The following DPP10 variants were observed in gnomAD, a reference collection of about 807,000 sequenced individuals.
The protein encoded by DPP10 is inactive dipeptidyl peptidase 10.
DPP10 carries 33 observed loss-of-function variants against 120.9 expected under a neutral mutation model. That is an observed-to-expected ratio of 0.27 (90% confidence interval 0.21 to 0.37). The LOEUF (loss-of-function observed/expected upper bound fraction) is 0.37, where lower values mean the gene tolerates loss of function less well. Ranked by LOEUF, DPP10 falls within the 10% of genes least tolerant of loss-of-function variation. The pLI, the probability that DPP10 is intolerant of heterozygous loss-of-function variation, is 1.00. For missense variants in DPP10, 816 were observed against 942.8 expected, an observed-to-expected ratio of 0.87 and a Z score of 1.76; for synonymous variants, 337 against 326.1, an observed-to-expected ratio of 1.03 and a Z score of -0.36.
intron 1 of DPP10, among the ~76,000 whole-genome samples, chr2:115,116,580 A>C (rs565307979): frequency 6.6e-6 from 1 of 152,242 alleles, no homozygotes; most frequent in East Asian, 1.9e-4. Flanking sequence ...AGTAGGAAGG[A>C]CTTATTCTTT....
intron 17 of DPP10, among the ~76,000 whole-genome samples, chr2:115,788,064 C>T (rs1683538156): frequency 6.6e-6 from 1 of 152,072 alleles, no homozygotes; most frequent in Non-Finnish European, 1.5e-5. Flanking sequence ...GTTCTGTCAT[C>T]AAACTTGCTC....
At chr2:115,446,310 G>T (rs1451638725) in intron 3 of DPP10, among the ~76,000 whole-genome samples, 1 of 152,186 alleles carries the variant, frequency 6.6e-6, no homozygotes, top group Non-Finnish European at 1.5e-5. Context: ...AGGGAAATGT[G>T]GAAGGGAAAT....
At chr2:114,950,590 T>C (rs890411071) in intron 1 of DPP10, among the ~76,000 whole-genome samples, 6 of 151,994 alleles carry the variant, frequency 3.9e-5, no homozygotes, top group Admixed American at 6.6e-5. Context: ...TACAACATCT[T>C]GAATACCTTT....
chr2:114,856,261 A>G (rs1689360041), intron 1 of DPP10, among the ~76,000 whole-genome samples: 1 of 152,186 alleles, frequency 6.6e-6, no homozygotes, highest in South Asian at 2.1e-4. Context: ...AATACCAAGT[A>G]TTAGTGAAGA....
At chr2:115,699,835 C>T (rs1411213023) in intron 7 of DPP10, among the ~76,000 whole-genome samples, 1 of 152,154 alleles carries the variant, frequency 6.6e-6, no homozygotes, top group African/African-American at 2.4e-5. Context: ...ACATAGCTAA[C>T]TGGGATTCAT....
At chr2:115,161,503 AAG>A (rs1559163631) in intron 1 of DPP10, 4 of 150,678 alleles carry the variant, frequency 2.7e-5, no homozygotes, top group African/African-American at 9.7e-5. Flanking sequence ...GCGGTTGCCG[AAG>A]AGAGGCCGGA....
intron 1 of DPP10, among the ~76,000 whole-genome samples, chr2:114,529,508 T>TCACA (rs755871148): frequency 3.3e-5 from 5 of 152,144 alleles, no homozygotes; most frequent in Non-Finnish European, 7.4e-5. Flanking sequence ...TCATCTCTTG[T>TCACA]CACAGTCACT....
At chr2:115,516,807 C>T (rs1450298459) in intron 4 of DPP10, among the ~76,000 whole-genome samples, 1 of 151,830 alleles carries the variant, frequency 6.6e-6, no homozygotes, top group Non-Finnish European at 1.5e-5. Flanking sequence ...TCTTCCAAAT[C>T]AATTGAAAAT....
At chr2:115,493,348 A>G (rs114780207) in intron 3 of DPP10, among the ~76,000 whole-genome samples, 1,728 of 152,198 alleles carry the variant, frequency 0.011, 26 homozygotes, top group African/African-American at 0.039. Flanking sequence ...AGCCAAAACT[A>G]TAAAAAGTTT....
chr2:115,616,486 G>A (rs570036790), intron 5 of DPP10, among the ~76,000 whole-genome samples: 2 of 150,412 alleles, frequency 1.3e-5, no homozygotes, highest in African/African-American at 4.9e-5. Context: ...ATACATTTCA[G>A]CCTAAAAAAA....
rs1380091464 is a variant in DPP10, at chr2:114,583,836, CTT to C, written c.60+140999_60+141000del. ...AAGATGATGAGATACGGAGTAACCT[CTT>C]GATAGCATTTGGTTCCCTCCTCATT... On this transcript the variant is annotated intron_variant, in intron 1 of 25. Coordinates refer to ENST00000410059, the MANE Select transcript of DPP10 (RefSeq NM_020868.6). Among the ~76,000 whole-genome samples, 3 of 152,306 alleles carry C rather than the reference CTT, an allele frequency of 2.0e-5. No individual in the cohort carries two copies. In the East Asian group the frequency reaches 5.8e-4, roughly 29 times the overall value.
At chr2:115,030,531 TG>T (rs1703766970) in intron 1 of DPP10, among the ~76,000 whole-genome samples, 1 of 152,168 alleles carries the variant, frequency 6.6e-6, no homozygotes, top group South Asian at 2.1e-4. Context: ...TGTGTACGTT[TG>T]TTAGTTAAAT....
intron 1 of DPP10, among the ~76,000 whole-genome samples, chr2:114,452,045 C>T (rs1244179705): frequency 6.6e-6 from 1 of 152,050 alleles, no homozygotes; most frequent in Non-Finnish European, 1.5e-5. Context: ...TTAGTGGTAG[C>T]CTTATAATCT....
intron 1 of DPP10, among the ~76,000 whole-genome samples, chr2:115,169,722 G>A (rs1334018165): frequency 6.6e-6 from 1 of 152,124 alleles, no homozygotes; most frequent in Non-Finnish European, 1.5e-5. Flanking sequence ...AGTTAGTTGA[G>A]TGCATAATCA....
chr2:115,113,778 G>A (rs1411693239), intron 1 of DPP10, among the ~76,000 whole-genome samples: 1 of 152,136 alleles, frequency 6.6e-6, no homozygotes, highest in Non-Finnish European at 1.5e-5. Flanking sequence ...GTTTACAAGA[G>A]CGGTGTATTA....
At chr2:115,091,193 G>T (rs980591514) in intron 1 of DPP10, among the ~76,000 whole-genome samples, 18 of 152,128 alleles carry the variant, frequency 1.2e-4, no homozygotes, top group African/African-American at 3.9e-4. Flanking sequence ...CTCCAGCAAG[G>T]TTCCACTGTA....
At chr2:114,483,790 A>G (rs1681270102) in intron 1 of DPP10, among the ~76,000 whole-genome samples, 1 of 152,154 alleles carries the variant, frequency 6.6e-6, no homozygotes. Flanking sequence ...TATATTAAAT[A>G]AGATTCACAT....
At chr2:115,445,816 G>A (rs1031570700) in intron 3 of DPP10, among the ~76,000 whole-genome samples, 2 of 152,218 alleles carry the variant, frequency 1.3e-5, no homozygotes, top group African/African-American at 4.8e-5. Flanking sequence ...AAGACAATGA[G>A]GAAAATGTCT....
At chr2:115,185,376 T>G (rs2054364113) in intron 1 of DPP10, among the ~76,000 whole-genome samples, 2 of 152,112 alleles carry the variant, frequency 1.3e-5, no homozygotes, top group Admixed American at 1.3e-4. Flanking sequence ...AATTTAAATT[T>G]GCAACACCCA....
Sources: gnomAD v4.1 joint callset for allele counts (sites outside exome capture counted in the v4.1 genomes callset) on GRCh38, gnomAD v4.1.1 for gene constraint, MANE v1.5 for transcripts, NCBI Gene and HGNC (gene_info 2026-07-23, HGNC 2026-07-21) for gene names.